The following CNTNAP5 variants were observed in gnomAD, a reference collection of about 807,000 sequenced individuals.
The protein encoded by CNTNAP5 is contactin-associated protein-like 5.
A neutral mutation model predicts 150.2 loss-of-function variants in CNTNAP5; 72 were observed. The ratio of observed to expected loss-of-function variants is 0.48; its 90% CI spans 0.40 to 0.58. The LOEUF is 0.58. CNTNAP5 is among the 20% of genes least tolerant of loss of function. The pLI is 0.00. For synonymous variants in CNTNAP5, 672 were observed against 619.8 expected (o/e 1.08, Z -1.25); for missense variants, 1,636 against 1,626.2 (o/e 1.01, Z -0.10).
intron 13 of CNTNAP5, among the ~76,000 whole-genome samples, chr2:124,660,943 C>CA (rs34511096): frequency 0.011 from 1,189 of 103,992 alleles, 15 homozygotes; most frequent in East Asian, 0.033. Context: ...GACTGGGTCT[C>CA]AAAAAAAAAA....
chr2:124,611,071 GC>G (rs60696512), intron 12 of CNTNAP5, among the ~76,000 whole-genome samples: 70,850 of 151,988 alleles, frequency 0.47, 17,040 homozygotes, highest in East Asian at 0.8. Context: ...AGAGATGCCA[GC>G]TGCATCATGT....
intron 11 of CNTNAP5, among the ~76,000 whole-genome samples, chr2:124,571,412 T>A (rs1186530956): frequency 6.6e-6 from 1 of 151,482 alleles, no homozygotes; most frequent in African/African-American, 2.4e-5. Flanking sequence ...AACATATAAA[T>A]AAAGTACTAC....
intron 3 of CNTNAP5, among the ~76,000 whole-genome samples, chr2:124,372,290 C>T (rs780662501): frequency 2.0e-5 from 3 of 152,040 alleles, no homozygotes; most frequent in Non-Finnish European, 4.4e-5. Context: ...ATTGGCTCCC[C>T]TGGCTTTTAG....
chr2:124,032,338 A>T (rs1681076509), intron 1 of CNTNAP5, among the ~76,000 whole-genome samples: 1 of 152,150 alleles, frequency 6.6e-6, no homozygotes. Flanking sequence ...AGTTGTAGGT[A>T]AGCATGAGAG....
chr2:124,639,632 ATACTT>A lies in CNTNAP5; in HGVS notation c.1877-8125_1877-8121del, dbSNP rs1678048477. On this transcript the variant is annotated intron_variant, in intron 12 of 23. Coordinates refer to ENST00000682447, the MANE Select transcript of CNTNAP5 (RefSeq NM_001367498.1). ...AAACAGAGGGACAACAAGTACTATT[ATACTT>A]ATACTATTACAGCACAACAAACACA... Among the ~76,000 whole-genome samples, 3 of 61,586 alleles carry A rather than the reference ATACTT, an allele frequency of 4.9e-5. No homozygotes were observed. The Admixed American group carries it at 4.9e-4, about 10-fold the overall frequency. 40.4% of individuals were successfully genotyped at this position (61,586 alleles called of 152,430 possible).
At chr2:124,316,322 C>T (rs967213914) in intron 3 of CNTNAP5, among the ~76,000 whole-genome samples, 2 of 152,072 alleles carry the variant, frequency 1.3e-5, no homozygotes, top group Non-Finnish European at 2.9e-5. Flanking sequence ...CCAAGCGAAA[C>T]CAGATAAATT....
intron 1 of CNTNAP5, among the ~76,000 whole-genome samples, chr2:124,187,488 T>C (rs1219284105): frequency 6.6e-6 from 1 of 152,174 alleles, no homozygotes; most frequent in African/African-American, 2.4e-5. Context: ...TAAATATACA[T>C]GTTGCAATGG....
At chr2:124,199,413 CTTT>C (rs70996049) in intron 1 of CNTNAP5, among the ~76,000 whole-genome samples, 2 of 110,044 alleles carry the variant, frequency 1.8e-5, no homozygotes, top group Non-Finnish European at 3.5e-5. Context: ...TTCCAAGGTT[CTTT>C]TTTTTTTTTT....
intron 8 of CNTNAP5, among the ~76,000 whole-genome samples, chr2:124,513,763 G>T (rs892545009): frequency 1.3e-5 from 2 of 152,180 alleles, no homozygotes; most frequent in African/African-American, 4.8e-5. Context: ...AAGGGCAGGG[G>T]AGCTCCCAGA....
intron 21 of CNTNAP5, among the ~76,000 whole-genome samples, chr2:124,897,482 A>G (rs1426252417): frequency 6.6e-6 from 1 of 151,508 alleles, no homozygotes; most frequent in Non-Finnish European, 1.5e-5. Context: ...CAGAGCAGGT[A>G]CAGAAGTTAT....
At chr2:124,815,544 A>G (rs1241071346) in intron 19 of CNTNAP5, among the ~76,000 whole-genome samples, 3 of 152,148 alleles carry the variant, frequency 2.0e-5, no homozygotes, top group African/African-American at 7.2e-5. Flanking sequence ...TCATGCTAGC[A>G]GGTGTATTGC....
At chr2:124,292,345 C>T (rs1299704897) in intron 3 of CNTNAP5, among the ~76,000 whole-genome samples, 1 of 151,948 alleles carries the variant, frequency 6.6e-6, no homozygotes, top group Non-Finnish European at 1.5e-5. Flanking sequence ...TTATTGAAAA[C>T]AAACCTTACA....
At chr2:124,195,618 TAC>T (rs146966992) in intron 1 of CNTNAP5, among the ~76,000 whole-genome samples, 1 of 151,602 alleles carries the variant, frequency 6.6e-6, no homozygotes, top group East Asian at 1.9e-4. Flanking sequence ...ACATATTAAA[TAC>T]ACACACACAC....
At chr2:124,696,465 T>G (rs1262718827) in intron 13 of CNTNAP5, among the ~76,000 whole-genome samples, 1 of 152,180 alleles carries the variant, frequency 6.6e-6, no homozygotes. Context: ...TGAGAAGTAG[T>G]CTTTAAATGA....
intron 3 of CNTNAP5, among the ~76,000 whole-genome samples, chr2:124,272,981 T>C (rs1687797943): frequency 6.6e-6 from 1 of 152,168 alleles, no homozygotes; most frequent in African/African-American, 2.4e-5. Flanking sequence ...TTCTTGACCC[T>C]CTTCTCCAAA....
chr2:124,504,982 A>G (rs185099731), intron 8 of CNTNAP5, among the ~76,000 whole-genome samples: 2 of 152,164 alleles, frequency 1.3e-5, no homozygotes, highest in Non-Finnish European at 2.9e-5. Flanking sequence ...CTGGGATTAC[A>G]GGCCTGAGCC....
chr2:124,177,843 T>C (rs1295738674), intron 1 of CNTNAP5, among the ~76,000 whole-genome samples: 2 of 150,012 alleles, frequency 1.3e-5, no homozygotes, highest in Non-Finnish European at 3.0e-5. Context: ...GTTTTGTTTA[T>C]GGTTTACTTT....
In CNTNAP5 at chr2:124,647,953, C is replaced by A. The variant is rs772923186; in HGVS notation, c.2072C>A (p.Thr691Lys). The change falls in exon 13 of 24, where the codon ACG becomes AAG. Residue 691 changes from threonine (T) to lysine (K), a missense_variant. Coordinates refer to ENST00000682447, the MANE Select transcript of CNTNAP5 (RefSeq NM_001367498.1). ...TGCAGGAGGTCCCGCCTGCTCAACA[C>A]GCCGGGTAAGGCCTCTGCATGCATG... ...YHCRRSRLLNTPDGTPFTWWI... is the reference protein window; with the variant it reads ...YHCRRSRLLNKPDGTPFTWWI... The A allele has an allele frequency of 1.3e-6, 2 of 1,596,792 alleles. No homozygotes were observed. Among genetic ancestry groups the A allele is most frequent in the South Asian group, 1.1e-5 (1 of 88,426 alleles).
intron 3 of CNTNAP5, among the ~76,000 whole-genome samples, chr2:124,303,858 C>T (rs1048029308): frequency 9.2e-5 from 14 of 151,954 alleles, no homozygotes; most frequent in Non-Finnish European, 1.8e-4. Flanking sequence ...ATAGAAAGAC[C>T]CTGTCATTAC....
Sources: allele counts gnomAD v4.1 joint callset (sites outside exome capture counted in the v4.1 genomes callset), GRCh38; gene constraint gnomAD v4.1.1; transcripts MANE v1.5; gene names NCBI Gene and HGNC (gene_info 2026-07-23, HGNC 2026-07-21).